Variants in RUNX1 observed in about 807,000 individuals in gnomAD.
RUNX1 encodes the protein RUNX family transcription factor 1, also known as runt-related transcription factor 1.
Under a neutral mutation model 42.8 loss-of-function variants are expected in RUNX1, and 19 were observed. That is an observed-to-expected ratio of 0.44 (90% CI 0.31 to 0.65). The LOEUF (loss-of-function observed/expected upper bound fraction) is 0.65. RUNX1 is among the 30% of genes least tolerant of loss of function. RUNX1 has a pLI of 0.07. For missense variants in RUNX1, 528 were observed against 672.0 expected, an observed-to-expected ratio of 0.79 and a Z score of 2.37; for synonymous variants, 271 against 289.4, an observed-to-expected ratio of 0.94 and a Z score of 0.64.
chr21:34,815,835 G>A (rs2056817927), intron 7 of RUNX1, among the ~76,000 whole-genome samples: 1 of 152,154 alleles, frequency 6.6e-6, no homozygotes, highest in Admixed American at 6.5e-5. Flanking sequence ...GAGGAAGGAA[G>A]ATGAAAAGAA....
chr21:34,824,465 G>A (rs2056959710), intron 7 of RUNX1, among the ~76,000 whole-genome samples: 1 of 152,178 alleles, frequency 6.6e-6, no homozygotes, highest in Non-Finnish European at 1.5e-5. Flanking sequence ...GATTACAGAA[G>A]AAAAGCCTAT....
Position 34,791,875 on chromosome 21 carries a change from G to C in RUNX1, c.*260C>G, listed in dbSNP as rs963200707. On this transcript the variant is annotated 3_prime_UTR_variant, in exon 9 of 9. Transcript: ENST00000675419. ...CGTCCCCTGGGTGCTGGGGCCGGCG[G>C]ACACCCTCGAGGTGCGTCGCCTCGG... 1.1e-5 allele frequency: 3 copies of C among 262,186 alleles called. No homozygotes were observed. The highest frequency in any genetic ancestry group is 2.2e-5 in the Non-Finnish European group (3 of 135,456). 16.2% of individuals were successfully genotyped at this position (262,186 alleles called of 1,614,324 possible). A position where few individuals can be genotyped will look rare whatever the true frequency, so the allele number is the denominator to read the frequency against.
At chr21:34,825,357 C>G (rs944305334) in intron 7 of RUNX1, among the ~76,000 whole-genome samples, 1 of 152,204 alleles carries the variant, frequency 6.6e-6, no homozygotes, top group Non-Finnish European at 1.5e-5. Flanking sequence ...GGGAAGAGAG[C>G]TCTTTCTCTA....
At chr21:35,002,411 TTTATTTATTTATTTA>T (rs1601659496) in intron 2 of RUNX1, among the ~76,000 whole-genome samples, 6 of 146,714 alleles carry the variant, frequency 4.1e-5, no homozygotes, top group South Asian at 2.1e-4. Flanking sequence ...TATTTATTTA[TTTATTTATTTATTTA>T]TTATTTATTT....
At chr21:34,949,110 C>T (rs867901694) in intron 2 of RUNX1, among the ~76,000 whole-genome samples, 6 of 152,106 alleles carry the variant, frequency 3.9e-5, no homozygotes, top group Admixed American at 6.5e-5. Flanking sequence ...CCTACCCCAT[C>T]CCCCCAAACA....
intron 2 of RUNX1, among the ~76,000 whole-genome samples, chr21:34,924,797 T>C (rs2058380624): frequency 1.3e-5 from 2 of 152,180 alleles, no homozygotes; most frequent in Admixed American, 6.6e-5. Context: ...TTATTTCTTA[T>C]AGTTCTGGAG....
At chr21:34,846,359 C>T (rs1381320541) in intron 6 of RUNX1, among the ~76,000 whole-genome samples, 2 of 151,618 alleles carry the variant, frequency 1.3e-5, no homozygotes, top group East Asian at 1.9e-4. Flanking sequence ...CCTGCCCTGC[C>T]CCCACCTTCT....
At chr21:34,938,058 TG>T (rs2058499703) in intron 2 of RUNX1, among the ~76,000 whole-genome samples, 1 of 152,216 alleles carries the variant, frequency 6.6e-6, no homozygotes. Context: ...GTGACATGTA[TG>T]GGTTCTGCAG....
chr21:35,004,021 C>A (rs1245673356), intron 2 of RUNX1, among the ~76,000 whole-genome samples: 3 of 152,204 alleles, frequency 2.0e-5, no homozygotes, highest in African/African-American at 7.2e-5. Flanking sequence ...ATTCTATAAT[C>A]CCACCCATAT....
intron 7 of RUNX1, among the ~76,000 whole-genome samples, chr21:34,806,507 G>A (rs1244989340): frequency 3.3e-5 from 5 of 152,238 alleles, no homozygotes; most frequent in East Asian, 1.9e-4. Flanking sequence ...AGAACTACAC[G>A]GAGAAATAGG....
At chr21:34,948,876 G>T (rs1181065761) in intron 2 of RUNX1, among the ~76,000 whole-genome samples, 1 of 152,114 alleles carries the variant, frequency 6.6e-6, no homozygotes, top group African/African-American at 2.4e-5. Flanking sequence ...CTCCTGAGTA[G>T]CTGGGATTAC....
intron 8 of RUNX1, among the ~76,000 whole-genome samples, chr21:34,794,184 A>G (rs2056492349): frequency 6.6e-6 from 1 of 152,118 alleles, no homozygotes; most frequent in Non-Finnish European, 1.5e-5. Context: ...TATACATAAT[A>G]TATATCCTAA....
chr21:34,863,719 T>TG lies in RUNX1; in HGVS notation c.509-4142_509-4141insC, dbSNP rs2057613594. 3.3e-5 allele frequency among the ~76,000 whole-genome samples: 5 copies of TG among 152,104 alleles called. 1 individual carries two copies. The South Asian group carries it at 8.3e-4, about 25-fold the overall frequency. Reference sequence around the variant, plus strand: ...ACATGTGCATACCACCACACCCAGCTAATTTTTTGTATTTTTAGTAGAGAT... The same window carrying TG: ...ACATGTGCATACCACCACACCCAGCTGAATTTTTTGTATTTTTAGTAGAGAT... On this transcript the variant is annotated intron_variant, in intron 5 of 8. Coordinates refer to ENST00000675419, the MANE Select transcript of RUNX1 (RefSeq NM_001754.5).
chr21:34,945,185 T>C (rs996574915), intron 2 of RUNX1, among the ~76,000 whole-genome samples: 1 of 152,250 alleles, frequency 6.6e-6, no homozygotes, highest in Non-Finnish European at 1.5e-5. Context: ...TGAACTATAG[T>C]ATGCACACAT....
intron 7 of RUNX1, among the ~76,000 whole-genome samples, chr21:34,830,960 A>T (rs188267798): frequency 6.6e-6 from 1 of 152,260 alleles, no homozygotes; most frequent in East Asian, 1.9e-4. Flanking sequence ...GGAAATTACG[A>T]CACCTTAAAT....
intron 6 of RUNX1, among the ~76,000 whole-genome samples, chr21:34,839,079 A>G (rs1048927567): frequency 2.0e-5 from 3 of 152,082 alleles, no homozygotes; most frequent in African/African-American, 2.4e-5. Context: ...CAACACCACA[A>G]GGTTGGAGTA....
intron 5 of RUNX1, among the ~76,000 whole-genome samples, chr21:34,860,439 A>T (rs889501804): frequency 9.9e-5 from 15 of 152,158 alleles, no homozygotes; most frequent in Non-Finnish European, 2.1e-4. Flanking sequence ...TTCCTACCTT[A>T]GAGAGTTTTA....
chr21:35,033,091 C>G (rs1226273036), intron 2 of RUNX1, among the ~76,000 whole-genome samples: 2 of 152,112 alleles, frequency 1.3e-5, no homozygotes, highest in East Asian at 3.8e-4. Context: ...TTCTATCTAT[C>G]CATCAATTTG....
chr21:34,959,350 C>T (rs1743821709), intron 2 of RUNX1, among the ~76,000 whole-genome samples: 1 of 152,160 alleles, frequency 6.6e-6, no homozygotes, highest in African/African-American at 2.4e-5. Flanking sequence ...TACGCAAGCT[C>T]TCTGTCCCTC....
Sources: gnomAD v4.1 joint callset for allele counts (sites outside exome capture counted in the v4.1 genomes callset) on GRCh38, gnomAD v4.1.1 for gene constraint, MANE v1.5 for transcripts, NCBI Gene and HGNC (gene_info 2026-07-23, HGNC 2026-07-21) for gene names.